GBP4: variants seen among roughly 807,000 people sequenced by gnomAD.
The protein encoded by GBP4 is guanylate binding protein 4, also known as guanylate-binding protein 4.
A neutral mutation model predicts 62.2 loss-of-function variants in GBP4; 69 were observed. The ratio of observed to expected loss-of-function variants is 1.11; its 90% CI spans 0.91 to 1.36. GBP4 has a LOEUF of 1.36. Ranked by LOEUF, GBP4 falls within the 40% of genes most tolerant of loss-of-function variation. The pLI, the probability that GBP4 is intolerant of heterozygous loss-of-function variation, is 0.00. For missense variants in GBP4, 697 were observed against 759.3 expected (o/e 0.92, Z 0.96); for synonymous variants, 278 against 274.6 (o/e 1.01, Z -0.12).
chr1:89,195,165 G>T, intron 3 of GBP4, 132 bp downstream of exon 3: 1 of 942,240 alleles, frequency 1.1e-6, no homozygotes, highest in Non-Finnish European at 1.6e-6. Context: ...AAGGAAGTCT[G>T]AGGAAACAGA....
rs1647881646 is a variant in GBP4 at position 89,181,591 on chromosome 1, T to G, written c.*3663A>C. 6.6e-6 allele frequency: 1 copy of G among 152,062 alleles called. No individual in the cohort carries two copies. Among genetic ancestry groups the G allele is most frequent in the Non-Finnish European group, 1.5e-5 (1 of 68,008 alleles). 9.4% of individuals were successfully genotyped at this position (152,062 alleles called of 1,614,324 possible). ...CTAAACATATACATTTATATTTATA[T>G]GTACTATATAAATACCCAATAGTAG... On this transcript the variant is annotated 3_prime_UTR_variant, in exon 11 of 11. Coordinates refer to ENST00000355754, the MANE Select transcript of GBP4 (RefSeq NM_052941.5).
chr1:89,189,742 C>T (rs1648129453), intron 7 of GBP4, among the ~76,000 whole-genome samples: 1 of 152,202 alleles, frequency 6.6e-6, no homozygotes, highest in African/African-American at 2.4e-5. Flanking sequence ...CAGCCTGTGG[C>T]ACACTGAGCA....
intron 2 of GBP4, among the ~76,000 whole-genome samples, chr1:89,196,428 G>A (rs760861808): frequency 4.6e-5 from 7 of 152,194 alleles, no homozygotes; most frequent in Non-Finnish European, 8.8e-5. Flanking sequence ...AGTCAAAGAA[G>A]TGTGCCCTGA....
Position 89,188,761 on chromosome 1 carries a change from G to A in GBP4, c.1231C>T (p.Leu411=). 6.2e-7 allele frequency: 1 copy of A among 1,614,250 alleles called. No individual in the cohort carries two copies. The highest frequency in any genetic ancestry group is 1.1e-5 in the South Asian group (1 of 91,090). Residue 411 remains leucine (L), a synonymous_variant, in exon 8 of 11, where the codon CTG becomes TTG. Coordinates refer to ENST00000355754, the MANE Select transcript of GBP4 (RefSeq NM_052941.5). ...TIEKKKGDFV[L]QNEEASAKYC... ...TTGGCAGATGCCTCTTCATTCTGCA[G>A]CACAAAGTCTCCCTTCTTTTTCTCT...
At position 89,183,248 on chromosome 1, in the gene GBP4, A is replaced by G. The variant is rs1647935731; in HGVS notation, c.*2006T>C. On this transcript the variant is annotated 3_prime_UTR_variant, in exon 11 of 11. Transcript: ENST00000355754. ...ACAGAGAGTCCAGAAATAATGCTGT[A>G]CACCTACAATCATCTGATCTTGGAC... is the stretch of plus-strand genomic sequence containing the variant. The G allele has an allele frequency of 6.6e-6, 1 of 152,196 alleles. No homozygotes were observed. Among genetic ancestry groups the G allele is most frequent in the Non-Finnish European group, 1.5e-5 (1 of 68,040 alleles). The allele number at this position is 152,196 out of a possible 1,614,324, so 9.4% of individuals were successfully genotyped here. A position where few individuals can be genotyped will look rare whatever the true frequency, so the allele number is the denominator to read the frequency against.
chr1:89,198,170 A>G (rs1229228268), intron 1 of GBP4, among the ~76,000 whole-genome samples: 1 of 152,152 alleles, frequency 6.6e-6, no homozygotes, highest in Non-Finnish European at 1.5e-5. Context: ...GGGCTTTATC[A>G]ACCAGACACA....
At chr1:89,192,398 C>A (rs528766949) in intron 5 of GBP4, among the ~76,000 whole-genome samples, 6 of 151,810 alleles carry the variant, frequency 4.0e-5, no homozygotes, top group Admixed American at 6.6e-5. Flanking sequence ...CTTCCTGGAT[C>A]GTTTGCTGTA....
At chr1:89,190,420 GAA>G in intron 6 of GBP4, 102 bp from the exon 7 acceptor site, 1 of 1,028,146 alleles carries the variant, frequency 9.7e-7, no homozygotes, top group Non-Finnish European at 1.4e-6. Flanking sequence ...TAATTATCTT[GAA>G]GTTTCTTATC....
intron 3 of GBP4, among the ~76,000 whole-genome samples, chr1:89,193,763 C>G (rs993733744): frequency 6.6e-6 from 1 of 152,190 alleles, no homozygotes; most frequent in Admixed American, 6.5e-5. Flanking sequence ...AGTTCAAAAA[C>G]TTTACATTGT....
At chr1:89,186,061 C>A (rs528721699) in intron 10 of GBP4, among the ~76,000 whole-genome samples, 1 of 152,274 alleles carries the variant, frequency 6.6e-6, no homozygotes, top group African/African-American at 2.4e-5. Context: ...TTCATTGGGG[C>A]ACAGTGAGAC....
Position 89,185,309 on chromosome 1 carries a change from G to A in GBP4, c.1868C>T (p.Pro623Leu). 6.2e-7 allele frequency: 1 copy of A among 1,613,688 alleles called. No individual in the cohort carries two copies. Among genetic ancestry groups the A allele is most frequent in the South Asian group, 1.1e-5 (1 of 91,062 alleles). Residue 623 changes from proline to leucine, a missense_variant, in exon 11 of 11, where the codon CCT (proline) becomes CTT (leucine). Coordinates refer to ENST00000355754, the MANE Select transcript of GBP4 (RefSeq NM_052941.5). ...TACTCCAAGTAGCTTGGAAGCCCCA[G>A]GTAGAGTGACAATCATTATGTTGCT... is the stretch of plus-strand genomic sequence containing the variant. ...MASNIMIVTL[P>L]GASKLLGVGT...
At position 89,195,411 on chromosome 1, in the gene GBP4, G is replaced by T. The variant is rs1648307157; in HGVS notation, c.249C>A (p.Gly83=). The change falls in exon 3 of 11, where the codon GGC becomes GGA. Residue 83 remains glycine (G), a synonymous_variant. Transcript: ENST00000355754. ...LAGKRNGFPL[G]STVQSETKGI... is the part of the protein sequence containing the mutation. The stretch of plus-strand genomic sequence containing the variant: ...CCTTAGTTTCAGACTGCACCGTGGA[G>T]CCCAGAGGGAAGCCTGCAGGGAAGA... 4 of 1,613,870 alleles carry T rather than the reference G, an allele frequency of 2.5e-6. No homozygotes were observed. The highest frequency in any genetic ancestry group is 1.1e-5 in the South Asian group (1 of 91,072).
Position 89,193,028 on chromosome 1 carries a change from G to T in GBP4, c.546C>A (p.Ser182Arg), listed in dbSNP as rs186821951. 2 of 1,614,038 alleles carry T rather than the reference G, an allele frequency of 1.2e-6. No individual in the cohort carries two copies. Among genetic ancestry groups the T allele is most frequent in the Non-Finnish European group, 1.7e-6 (2 of 1,180,042 alleles). Residue 182 changes from serine (S) to arginine (R), a missense_variant, in exon 5 of 11, where the codon AGC becomes AGA. Physicochemically the swap from Ser to Arg is moderately radical, Grantham distance 110. Around this residue, in one of 2 missense-constraint regions of GBP4, gnomAD observed 556 missense variants for 562.7 expected, o/e 0.99. Transcript: ENST00000355754. ...CPRPDEAEDS[S>R]EFASFFPDFI... ...AGTCTGGAAAGAAACTCGCAAACTC[G>T]CTGGAGTCCTCAGCTTCATCAGGTC...
intron 2 of GBP4, among the ~76,000 whole-genome samples, chr1:89,196,393 T>G (rs1648342163): frequency 6.6e-6 from 1 of 152,218 alleles, no homozygotes; most frequent in Non-Finnish European, 1.5e-5. Context: ...ATATATATTA[T>G]GTAGAACCAT....
Position 89,183,573 on chromosome 1 carries a change from C to T in GBP4, c.*1681G>A, listed in dbSNP as rs1316526958. 4 of 152,160 alleles carry T rather than the reference C, an allele frequency of 2.6e-5. No homozygotes were observed. The South Asian group carries it at 8.3e-4, about 32-fold the overall frequency. The allele number at this position is 152,160 out of a possible 1,614,324, so 9.4% of individuals were successfully genotyped here. On this transcript the variant is annotated 3_prime_UTR_variant, in exon 11 of 11. Coordinates refer to ENST00000355754, the MANE Select transcript of GBP4 (RefSeq NM_052941.5). The stretch of plus-strand genomic sequence containing the variant: ...AAGGAGATCTAATTAAATTAAAGAG[C>T]TTCTGCACATCAAAAGAAACTATTG...
At chr1:89,197,980 G>T (rs1648391609) in intron 1 of GBP4, among the ~76,000 whole-genome samples, 1 of 151,898 alleles carries the variant, frequency 6.6e-6, no homozygotes, top group Non-Finnish European at 1.5e-5. Flanking sequence ...CCGAAGAAGG[G>T]GCTAGATTTT....
In GBP4 at chr1:89,190,081, T is replaced by C; in HGVS notation, c.1154A>G (p.His385Arg). The change falls in exon 7 of 11, where the codon CAC becomes CGC. Residue 385 changes from histidine to arginine, a missense_variant. By Grantham distance (29) the His-to-Arg change is conservative (BLOSUM62 0). This residue lies in a region of GBP4 where 556 missense variants were observed against 562.7 expected (regional missense o/e 0.99). Coordinates refer to ENST00000355754, the MANE Select transcript of GBP4 (RefSeq NM_052941.5). ...EREAIAVFME[H>R]SFKDENHEFQ... is the part of the protein sequence containing the mutation. Reference sequence around the variant, plus strand: ...TTCATGGTTTTCATCCTTGAAGGAGTGCTCCATGAAGACTGCAATGGCTTC... The same window carrying C: ...TTCATGGTTTTCATCCTTGAAGGAGCGCTCCATGAAGACTGCAATGGCTTC... 2 of 1,613,312 alleles carry C rather than the reference T, an allele frequency of 1.2e-6. No homozygotes were observed. Among genetic ancestry groups the C allele is most frequent in the Non-Finnish European group, 1.7e-6 (2 of 1,179,438 alleles).
In GBP4 at chr1:89,182,399, G is replaced by A. The variant is rs495163; in HGVS notation, c.*2855C>T. The A allele has an allele frequency of 0.45, 67,543 of 151,714 alleles. 15,780 individuals carry two copies. Among genetic ancestry groups the A allele is most frequent in the Non-Finnish European group, 0.52 (35,161 of 67,946 alleles). The allele number at this position is 151,714 out of a possible 1,614,324, so 9.4% of individuals were successfully genotyped here. The stretch of plus-strand genomic sequence containing the variant: ...ATGCACTGGTGGTCAGAGAGAAACA[G>A]AACAAGGCAGTGAGTTTCCAAATGT... On this transcript the variant is annotated 3_prime_UTR_variant, in exon 11 of 11. Transcript: ENST00000355754.
chr1:89,187,504 A>G (rs1570372936), intron 8 of GBP4, among the ~76,000 whole-genome samples: 1 of 152,240 alleles, frequency 6.6e-6, no homozygotes, highest in Non-Finnish European at 1.5e-5. Flanking sequence ...AAATTTCTGC[A>G]AAGAAAATAA....
Sources: gnomAD v4.1 joint callset for allele counts (sites outside exome capture counted in the v4.1 genomes callset) on GRCh38, gnomAD v4.1.1 for gene constraint, gnomAD v4.1.1 regional missense constraint, MANE v1.5 for transcripts, NCBI Gene and HGNC (gene_info 2026-07-23, HGNC 2026-07-21) for gene names.